RPGRIP1: variants seen among roughly 807,000 people sequenced by gnomAD.
RPGRIP1 encodes X-linked retinitis pigmentosa GTPase regulator-interacting protein 1.
A neutral mutation model predicts 157.9 loss-of-function variants in RPGRIP1; 128 were observed. The observed-to-expected ratio is 0.81, with a 90% CI of 0.70 to 0.94. The LOEUF is 0.94. Ranked by LOEUF, RPGRIP1 falls within the 40% of genes least tolerant of loss-of-function variation. The pLI, the probability that RPGRIP1 is intolerant of heterozygous loss-of-function variation, is 0.00. For synonymous variants in RPGRIP1, 554 were observed against 571.6 expected (o/e 0.97, Z 0.44); for missense variants, 1,486 against 1,545.8 (o/e 0.96, Z 0.65).
chr14:21,289,238 G>A (rs1454692744), intron 2 of RPGRIP1, among the ~76,000 whole-genome samples: 1 of 152,122 alleles, frequency 6.6e-6, no homozygotes, highest in Non-Finnish European at 1.5e-5. Context: ...TGAGGCAAGA[G>A]AATGGTGTGA....
At chr14:21,336,405 C>T (rs113474149) in intron 21 of RPGRIP1, among the ~76,000 whole-genome samples, 6,628 of 152,176 alleles carry the variant, frequency 0.044, 478 homozygotes, top group African/African-American at 0.15. Context: ...CGTGTTGGCT[C>T]ACATCTGAAG....
chr14:21,324,571 A>G (rs751582988), intron 14 of RPGRIP1, 47 bp from the exon 15 acceptor site: 1 of 1,506,308 alleles, frequency 6.6e-7, no homozygotes, highest in Non-Finnish European at 9.2e-7. Flanking sequence ...ACCCTAAGAA[A>G]GAGCTCCCTA....
At chr14:21,335,154 T>C (rs1276442805) in intron 21 of RPGRIP1, among the ~76,000 whole-genome samples, 1 of 152,028 alleles carries the variant, frequency 6.6e-6, no homozygotes, top group Admixed American at 6.6e-5. Flanking sequence ...GCAAATTGTT[T>C]AGTTAAATTT....
In RPGRIP1 at chr14:21,335,748, G is replaced by A. The variant is rs555378840; in HGVS notation, c.3339+1043G>A. Among the ~76,000 whole-genome samples the A allele has an allele frequency of 2.2e-3, 329 of 151,102 alleles. 1 individual carries two copies. The highest frequency in any genetic ancestry group is 4.1e-3 in the Non-Finnish European group (278 of 67,986). ...CGGGAGGCTGAGGCAGGAGAATGGC[G>A]TGAACCCAGGAGGCAGAGCTTGCAC... On this transcript the variant is annotated intron_variant, in intron 21 of 24. Transcript: ENST00000400017.
intron 7 of RPGRIP1, 37 bp downstream of exon 7, chr14:21,307,873 G>C (rs1367739845): frequency 2.6e-6 from 3 of 1,140,004 alleles, no homozygotes; most frequent in Non-Finnish European, 3.7e-6. Flanking sequence ...TCTTGGTGGG[G>C]GGAAACCCCA....
chr14:21,322,819 A>G (rs1186336866), intron 14 of RPGRIP1, among the ~76,000 whole-genome samples: 1 of 152,210 alleles, frequency 6.6e-6, no homozygotes, highest in East Asian at 1.9e-4. Flanking sequence ...GTGACAGGGC[A>G]GCTGGCTGGA....
intron 10 of RPGRIP1, among the ~76,000 whole-genome samples, chr14:21,313,134 C>G (rs981026829): frequency 2.0e-5 from 3 of 147,596 alleles, no homozygotes; most frequent in Non-Finnish European, 1.5e-5. Flanking sequence ...CCATGTCTGG[C>G]CCCCAAATTT....
At chr14:21,285,830 T>G (rs939195357) in intron 1 of RPGRIP1, among the ~76,000 whole-genome samples, 1 of 151,972 alleles carries the variant, frequency 6.6e-6, no homozygotes, top group African/African-American at 2.4e-5. Flanking sequence ...AGAAATGTTA[T>G]GAACTGGGTT....
intron 21 of RPGRIP1, among the ~76,000 whole-genome samples, chr14:21,339,383 T>C (rs1027850529): frequency 6.6e-6 from 1 of 151,926 alleles, no homozygotes; most frequent in Non-Finnish European, 1.5e-5. Flanking sequence ...GAGTCGGAGG[T>C]TGCAGTGAGC....
intron 20 of RPGRIP1, among the ~76,000 whole-genome samples, chr14:21,334,213 C>T (rs1884096908): frequency 1.3e-5 from 2 of 151,992 alleles, no homozygotes; most frequent in African/African-American, 2.4e-5. Flanking sequence ...TGAGCCACCA[C>T]GCCCAGCCAG....
intron 10 of RPGRIP1, among the ~76,000 whole-genome samples, chr14:21,313,339 C>G (rs1350297558): frequency 2.6e-5 from 2 of 77,132 alleles, no homozygotes; most frequent in South Asian, 9.5e-4. Flanking sequence ...CTGTTCTCCA[C>G]AAAAAGAAAA....
chr14:21,303,679 C>T (rs959939851), intron 6 of RPGRIP1, 136 bp downstream of exon 6: 20 of 681,706 alleles, frequency 2.9e-5, no homozygotes, highest in Non-Finnish European at 3.4e-5. Flanking sequence ...ACACGGAGTC[C>T]CTCGTAGGTT....
chr14:21,284,698 CAT>C (rs569151172), intron 1 of RPGRIP1, among the ~76,000 whole-genome samples: 7 of 151,980 alleles, frequency 4.6e-5, no homozygotes, highest in Non-Finnish European at 1.0e-4. Context: ...TGTCGTGGCA[CAT>C]GTCACCGCGC....
At chr14:21,302,703 A>G (rs1881086236) in intron 5 of RPGRIP1, 119 bp downstream of exon 5, 1 of 588,508 alleles carries the variant, frequency 1.7e-6, no homozygotes, top group Non-Finnish European at 2.9e-6. Context: ...AGGGAAGATG[A>G]AAGTCGACCC....
chr14:21,324,470 T>TG, intron 14 of RPGRIP1, 148 bp from the exon 15 acceptor site: 1 of 711,936 alleles, frequency 1.4e-6, no homozygotes. Flanking sequence ...GTCCTTCTGT[T>TG]GCTTTTCCTT....
In RPGRIP1 at chr14:21,325,906, T is replaced by C. The variant is rs767832323; in HGVS notation, c.2443T>C (p.Trp815Arg). Reference sequence around the variant, plus strand: ...CAAGTGCTGTGGCCTCCGGAGTCGATGGCTGGGAACTCAACCCAGTCCATA... The same window carrying C: ...CAAGTGCTGTGGCCTCCGGAGTCGACGGCTGGGAACTCAACCCAGTCCATA... ...ITKCCGLRSR[W>R]LGTQPSPYAV... The change falls in exon 17 of 25, where the codon TGG becomes CGG. Residue 815 changes from tryptophan (W) to arginine (R), a missense_variant. By Grantham distance (101) the Trp-to-Arg change is moderately radical. Coordinates refer to ENST00000400017, the MANE Select transcript of RPGRIP1 (RefSeq NM_020366.4). 2 of 1,613,866 alleles carry C rather than the reference T, an allele frequency of 1.2e-6. No individual in the cohort carries two copies. Among genetic ancestry groups the C allele is most frequent in the East Asian group, 2.2e-5 (1 of 44,894 alleles).
intron 6 of RPGRIP1, among the ~76,000 whole-genome samples, chr14:21,306,305 A>C (rs1349634390): frequency 3.4e-5 from 5 of 146,076 alleles, no homozygotes; most frequent in African/African-American, 1.3e-4. Flanking sequence ...GCTAATTTTT[A>C]TATTTTTAGT....
At chr14:21,291,666 T>A (rs1880535857) in intron 2 of RPGRIP1, among the ~76,000 whole-genome samples, 1 of 151,982 alleles carries the variant, frequency 6.6e-6, no homozygotes. Flanking sequence ...CTGCAACCTC[T>A]GCCTCCCAAG....
chr14:21,292,834 T>G (rs1880590915), intron 2 of RPGRIP1, among the ~76,000 whole-genome samples: 1 of 139,760 alleles, frequency 7.2e-6, no homozygotes, highest in Non-Finnish European at 1.5e-5. Context: ...TGGGCAACAG[T>G]GAGAGACTCT....
Sources: gnomAD v4.1 joint callset for allele counts (sites outside exome capture counted in the v4.1 genomes callset) on GRCh38, gnomAD v4.1.1 for gene constraint, MANE v1.5 for transcripts, NCBI Gene and HGNC (gene_info 2026-07-23, HGNC 2026-07-21) for gene names.